Variants in STAU2 observed in about 807,000 individuals in gnomAD.
STAU2 encodes staufen double-stranded RNA binding protein 2.
In STAU2, 20 loss-of-function variants were observed where a neutral mutation model predicts 65.9. That is an observed-to-expected ratio of 0.30 (90% CI 0.21 to 0.44). The LOEUF (loss-of-function observed/expected upper bound fraction) is 0.44. Ranked by LOEUF, STAU2 falls within the 20% of genes least tolerant of loss-of-function variation. The probability of loss-of-function intolerance (pLI) is 1.00; values close to 1 mark genes in which losing one functional copy is unlikely to be tolerated. For missense variants in STAU2, 558 were observed against 683.9 expected (o/e 0.82, Z 2.05); for synonymous variants, 232 against 233.9 (o/e 0.99, Z 0.07).
intron 4 of STAU2, among the ~76,000 whole-genome samples, chr8:73,702,016 C>G (rs1256012890): frequency 1.3e-5 from 2 of 151,694 alleles, no homozygotes; most frequent in Non-Finnish European, 2.9e-5. Flanking sequence ...TTTGTGAGGT[C>G]TAAAAATCAA....
At chr8:73,741,234 G>A (rs1353977754) in intron 1 of STAU2, among the ~76,000 whole-genome samples, 1 of 146,770 alleles carries the variant, frequency 6.8e-6, no homozygotes, top group Non-Finnish European at 1.5e-5. Context: ...GAACCCGGGA[G>A]GCGGAGCTTG....
At chr8:73,507,081 T>C (rs1333524372) in intron 13 of STAU2, among the ~76,000 whole-genome samples, 2 of 152,056 alleles carry the variant, frequency 1.3e-5, no homozygotes, top group East Asian at 1.9e-4. Context: ...CCCATGAGGG[T>C]TGGAATCAAC....
intron 13 of STAU2, among the ~76,000 whole-genome samples, chr8:73,451,796 T>C (rs918774321): frequency 3.3e-5 from 5 of 152,138 alleles, no homozygotes; most frequent in South Asian, 4.1e-4. Flanking sequence ...CTTTTAAAAA[T>C]AGTATATTCT....
intron 6 of STAU2, among the ~76,000 whole-genome samples, chr8:73,644,819 C>G (rs1010329014): frequency 6.6e-6 from 1 of 152,144 alleles, no homozygotes; most frequent in Non-Finnish European, 1.5e-5. Context: ...CAATTCTACA[C>G]ACAGAAATTT....
rs1196997661 is a variant in STAU2 at position 73,509,749 on chromosome 8, T to C, written c.1530+42263A>G. Among the ~76,000 whole-genome samples the C allele has an allele frequency of 1.6e-4, 25 of 152,230 alleles. 1 individual carries two copies. Among genetic ancestry groups the C allele is most frequent in the Non-Finnish European group, 2.9e-5 (2 of 68,028 alleles). On this transcript the variant is annotated intron_variant, in intron 13 of 14. Coordinates refer to ENST00000524300, the MANE Select transcript of STAU2 (RefSeq NM_001164380.2). The stretch of plus-strand genomic sequence containing the variant: ...AAATAGGGTTTATGGTTTTCTCTGG[T>C]AGATAGTAAAAACAATTACTGGGGA...
chr8:73,721,405 TG>T (rs1439422012), intron 3 of STAU2, among the ~76,000 whole-genome samples: 1 of 151,084 alleles, frequency 6.6e-6, no homozygotes, highest in Non-Finnish European at 1.5e-5. Context: ...TTAGGTAGAG[TG>T]TTCTATAAAT....
intron 13 of STAU2, among the ~76,000 whole-genome samples, chr8:73,488,870 A>C (rs1563621930): frequency 6.6e-6 from 1 of 152,010 alleles, no homozygotes; most frequent in Non-Finnish European, 1.5e-5. Flanking sequence ...TGTGGGTCAG[A>C]GGAATTAATG....
intron 13 of STAU2, among the ~76,000 whole-genome samples, chr8:73,478,718 A>C (rs953003914): frequency 2.6e-5 from 4 of 151,766 alleles, no homozygotes; most frequent in African/African-American, 9.7e-5. Flanking sequence ...TGCATTTTGC[A>C]TATTTCACCT....
At chr8:73,521,555 T>TA (rs1177302090) in intron 13 of STAU2, among the ~76,000 whole-genome samples, 1 of 152,218 alleles carries the variant, frequency 6.6e-6, no homozygotes, top group African/African-American at 2.4e-5. Context: ...GTTCCCAACT[T>TA]ACAATGATTC....
intron 13 of STAU2, among the ~76,000 whole-genome samples, chr8:73,463,254 T>C (rs989716138): frequency 6.6e-6 from 1 of 152,244 alleles, no homozygotes; most frequent in Admixed American, 6.5e-5. Context: ...CATGGCAACA[T>C]GCATGTGCTG....
In STAU2 at chr8:73,552,114, T is replaced by TGTAGAA. The variant is rs1807375215; in HGVS notation, c.1422_1427dup (p.Ser475_Thr476dup). 6.2e-7 allele frequency: 1 copy of TGTAGAA among 1,613,910 alleles called. No individual in the cohort carries two copies. The stretch of plus-strand genomic sequence containing the variant: ...TTCCTTTTAAACCTATGGCTTCAGC[T>TGTAGAA]GTAGAAGATGTTCCATTCATAAGGA... On this transcript the variant is annotated inframe_insertion, in exon 13 of 15. Transcript: ENST00000524300.
At position 73,666,304 on chromosome 8, in the gene STAU2, T is replaced by A. The variant is rs73686896; in HGVS notation, c.410+6803A>T. On this transcript the variant is annotated intron_variant, in intron 6 of 14. Coordinates refer to ENST00000524300, the MANE Select transcript of STAU2 (RefSeq NM_001164380.2). ...AAATGTAATAAACAAGCTGTTTTCA[T>A]AAATCAGAATCTTGGCTATTATTAA... Among the ~76,000 whole-genome samples, 1,283 of 152,338 alleles carry A rather than the reference T, an allele frequency of 8.4e-3. 18 individuals carry two copies. The highest frequency in any genetic ancestry group is 0.027 in the African/African-American group (1,102 of 41,584).
At chr8:73,618,223 T>C (rs985946245) in intron 6 of STAU2, among the ~76,000 whole-genome samples, 1 of 152,142 alleles carries the variant, frequency 6.6e-6, no homozygotes, top group African/African-American at 2.4e-5. Context: ...AAGAAAAATA[T>C]GTAGAATACC....
At chr8:73,551,925 G>A in intron 13 of STAU2, 87 bp downstream of exon 13, 2 of 1,445,104 alleles carry the variant, frequency 1.4e-6, no homozygotes, top group South Asian at 1.8e-5. Flanking sequence ...CATACTAGCA[G>A]GCAAGAATGA....
intron 11 of STAU2, among the ~76,000 whole-genome samples, chr8:73,594,363 C>T (rs896143957): frequency 2.6e-5 from 4 of 151,984 alleles, no homozygotes; most frequent in African/African-American, 7.3e-5. Flanking sequence ...AAATGTGTTC[C>T]TGTAGAAACT....
At chr8:73,438,333 C>T (rs926871324) in intron 13 of STAU2, among the ~76,000 whole-genome samples, 2 of 152,130 alleles carry the variant, frequency 1.3e-5, no homozygotes, top group African/African-American at 2.4e-5. Context: ...GGCAGGACAG[C>T]GACGGCAGTG....
intron 1 of STAU2, among the ~76,000 whole-genome samples, chr8:73,746,379 G>T (rs1285632622): frequency 2.0e-5 from 3 of 150,896 alleles, no homozygotes; most frequent in Non-Finnish European, 4.4e-5. Flanking sequence ...CCTCTCTTCC[G>T]GCCGCTACCA....
At position 73,646,935 on chromosome 8, in the gene STAU2, C is replaced by CCACACA. The variant is rs1365707962; in HGVS notation, c.410+26171_410+26172insTGTGTG. On this transcript the variant is annotated intron_variant, in intron 6 of 14. Transcript: ENST00000524300. Reference sequence around the variant, plus strand: ...GAGATATTTCACCAAAGACACACAGCCAGACACACACACACACACACACAC... The same window carrying CCACACA: ...GAGATATTTCACCAAAGACACACAGCCACACACAGACACACACACACACACACACAC... Among the ~76,000 whole-genome samples the CCACACA allele has an allele frequency of 4.3e-3, 383 of 89,364 alleles. 1 individual carries two copies. Among genetic ancestry groups the CCACACA allele is most frequent in the African/African-American group, 0.014 (338 of 23,422 alleles). The allele number at this position is 89,364 out of a possible 152,430, so 58.6% of individuals were successfully genotyped here.
At chr8:73,720,897 T>C (rs1162656858) in intron 3 of STAU2, among the ~76,000 whole-genome samples, 2 of 151,960 alleles carry the variant, frequency 1.3e-5, no homozygotes, top group African/African-American at 4.8e-5. Flanking sequence ...ATTTAGAGAT[T>C]TCCCAAGAAT....
Sources: allele counts gnomAD v4.1 joint callset (sites outside exome capture counted in the v4.1 genomes callset), GRCh38; gene constraint gnomAD v4.1.1; transcripts MANE v1.5; gene names NCBI Gene and HGNC (gene_info 2026-07-23, HGNC 2026-07-21).